FRMD4A: variants seen among roughly 807,000 people sequenced by gnomAD.
FRMD4A encodes the protein FERM domain containing 4A, also known as FERM domain-containing protein 4A.
A neutral mutation model predicts 129.1 loss-of-function variants in FRMD4A; 29 were observed. The observed-to-expected ratio is 0.22, with a 90% CI of 0.17 to 0.31. The LOEUF (loss-of-function observed/expected upper bound fraction) is 0.31. Ranked by LOEUF, FRMD4A falls within the 10% of genes least tolerant of loss-of-function variation. FRMD4A has a pLI of 1.00. For missense variants in FRMD4A, 1,272 were observed against 1,375.8 expected (o/e 0.92, Z 1.19); for synonymous variants, 634 against 571.6 (o/e 1.11, Z -1.56).
chr10:14,304,779 A>T (rs1846292064), intron 2 of FRMD4A, among the ~76,000 whole-genome samples: 1 of 152,182 alleles, frequency 6.6e-6, no homozygotes, highest in African/African-American at 2.4e-5. Context: ...ACAAATGCCA[A>T]ATCAGAAGTG....
chr10:13,695,395 C>T (rs953353735), intron 14 of FRMD4A, among the ~76,000 whole-genome samples: 7 of 152,216 alleles, frequency 4.6e-5, no homozygotes, highest in Admixed American at 2.6e-4. Context: ...CCCGCTGCAG[C>T]CTCCCAAAGT....
intron 2 of FRMD4A, among the ~76,000 whole-genome samples, chr10:13,983,810 G>A (rs1487946182): frequency 6.6e-6 from 1 of 151,420 alleles, no homozygotes; most frequent in Non-Finnish European, 1.5e-5. Context: ...GACCAAATTC[G>A]CCAATGTGGT....
intron 2 of FRMD4A, among the ~76,000 whole-genome samples, chr10:14,154,100 A>C (rs1170567689): frequency 6.6e-6 from 1 of 152,152 alleles, no homozygotes; most frequent in Non-Finnish European, 1.5e-5. Flanking sequence ...ACTTGACTGG[A>C]AAGTATCTGG....
At chr10:13,743,663 C>A (rs892845532) in intron 9 of FRMD4A, among the ~76,000 whole-genome samples, 2 of 152,122 alleles carry the variant, frequency 1.3e-5, no homozygotes, top group African/African-American at 2.4e-5. Context: ...TTTGCCGCCC[C>A]CTGTTTGCCC....
chr10:14,073,440 T>C, intron 2 of FRMD4A, among the ~76,000 whole-genome samples: 1 of 152,184 alleles, frequency 6.6e-6, no homozygotes, highest in East Asian at 1.9e-4. Flanking sequence ...ATTGACTTAA[T>C]CTGCCCATCA....
chr10:14,232,622 T>C (rs1843674983), intron 2 of FRMD4A, among the ~76,000 whole-genome samples: 1 of 152,248 alleles, frequency 6.6e-6, no homozygotes. Flanking sequence ...GTAATTCTCA[T>C]TGTAGAGATC....
intron 2 of FRMD4A, among the ~76,000 whole-genome samples, chr10:13,868,664 C>T (rs148783258): frequency 2.0e-4 from 31 of 152,032 alleles, no homozygotes; most frequent in African/African-American, 7.2e-4. Context: ...CAGGGCATGG[C>T]GGTGTGTGCC....
In FRMD4A at chr10:13,993,152, G is replaced by C. The variant is rs1368421491; in HGVS notation, c.46-134240C>G. ...GACATCCTGAGTTTAAAACTGAAGA[G>C]TTGCATCTCTGCTGTGGATGTGACA... On this transcript the variant is annotated intron_variant, in intron 2 of 24. Coordinates refer to ENST00000357447, the MANE Select transcript of FRMD4A (RefSeq NM_018027.5). Among the ~76,000 whole-genome samples, 3 of 152,154 alleles carry C rather than the reference G, an allele frequency of 2.0e-5. No individual in the cohort carries two copies. In the East Asian group the frequency reaches 5.8e-4, roughly 29 times the overall value.
chr10:13,658,881 CAAA>C (rs60536121), intron 21 of FRMD4A, among the ~76,000 whole-genome samples: 18 of 75,160 alleles, frequency 2.4e-4, no homozygotes, highest in South Asian at 4.5e-4. Flanking sequence ...GACTCCATCT[CAAA>C]AAAAAAAAAA....
At chr10:14,234,484 G>C (rs896327017) in intron 2 of FRMD4A, among the ~76,000 whole-genome samples, 2 of 152,190 alleles carry the variant, frequency 1.3e-5, no homozygotes, top group African/African-American at 4.8e-5. Flanking sequence ...ATTCTTCTTA[G>C]GTAGCAGCCA....
intron 2 of FRMD4A, among the ~76,000 whole-genome samples, chr10:14,219,969 A>G (rs953862389): frequency 2.4e-4 from 36 of 152,156 alleles, no homozygotes; most frequent in Non-Finnish European, 7.4e-5. Flanking sequence ...TCTAGAATGT[A>G]TGTTTCCCTA....
chr10:13,713,404 C>T (rs1394239654), intron 12 of FRMD4A, among the ~76,000 whole-genome samples: 2 of 152,132 alleles, frequency 1.3e-5, no homozygotes, highest in Admixed American at 1.3e-4. Context: ...TTCTGAGTCT[C>T]TATATAAGAA....
intron 2 of FRMD4A, among the ~76,000 whole-genome samples, chr10:14,106,815 C>T (rs998493528): frequency 3.9e-5 from 6 of 152,086 alleles, no homozygotes; most frequent in African/African-American, 1.4e-4. Context: ...TCTGAAGGAA[C>T]TTAAAATCGA....
At chr10:13,867,477 T>C (rs2094382071) in intron 2 of FRMD4A, among the ~76,000 whole-genome samples, 1 of 149,884 alleles carries the variant, frequency 6.7e-6, no homozygotes, top group African/African-American at 2.5e-5. Flanking sequence ...TCCAGGCTGC[T>C]CTTGAACTCC....
chr10:14,104,640 C>G (rs1588983529), intron 2 of FRMD4A, among the ~76,000 whole-genome samples: 1 of 152,328 alleles, frequency 6.6e-6, no homozygotes, highest in East Asian at 1.9e-4. Context: ...AGACACAAAG[C>G]CAAGAGAATT....
intron 2 of FRMD4A, among the ~76,000 whole-genome samples, chr10:14,201,898 A>G (rs1035576517): frequency 6.6e-6 from 1 of 152,114 alleles, no homozygotes; most frequent in Non-Finnish European, 1.5e-5. Flanking sequence ...TGGGAGGCTG[A>G]GGCGGCTGGA....
chr10:13,720,735 T>C (rs1229693345), intron 12 of FRMD4A, among the ~76,000 whole-genome samples: 1 of 151,912 alleles, frequency 6.6e-6, no homozygotes, highest in Non-Finnish European at 1.5e-5. Context: ...CGAGTCAATA[T>C]CAGAAAGAAA....
At chr10:13,924,389 C>A (rs181091988) in intron 2 of FRMD4A, among the ~76,000 whole-genome samples, 1 of 147,522 alleles carries the variant, frequency 6.8e-6, no homozygotes, top group African/African-American at 2.5e-5. Flanking sequence ...ATCTTATCTC[C>A]GCCTACTTTT....
At chr10:14,008,173 T>A (rs934873782) in intron 2 of FRMD4A, 2 of 1,059,724 alleles carry the variant, frequency 1.9e-6, no homozygotes, top group Admixed American at 2.7e-5. Context: ...TGTGTGTGTG[T>A]GTGTGTGTGT....
Sources: gnomAD v4.1 joint callset for allele counts (sites outside exome capture counted in the v4.1 genomes callset) on GRCh38, gnomAD v4.1.1 for gene constraint, MANE v1.5 for transcripts, NCBI Gene and HGNC (gene_info 2026-07-23, HGNC 2026-07-21) for gene names.